The following CFAP57 variants were observed in gnomAD, a reference collection of about 807,000 sequenced individuals.
CFAP57 encodes cilia and flagella associated protein 57, also known as cilia- and flagella-associated protein 57.
Under a neutral mutation model 146.8 loss-of-function variants are expected in CFAP57, and 116 were observed. The observed-to-expected ratio is 0.79, with a 90% CI of 0.68 to 0.92. The LOEUF is 0.92. CFAP57 is among the 40% of genes least tolerant of loss of function. CFAP57 has a pLI of 0.00. For missense variants in CFAP57, 1,377 were observed against 1,527.2 expected, an observed-to-expected ratio of 0.90 and a Z score of 1.64; for synonymous variants, 518 against 552.8, an observed-to-expected ratio of 0.94 and a Z score of 0.88.
chr1:43,225,892 G>T (rs1645225430), intron 17 of CFAP57, among the ~76,000 whole-genome samples: 1 of 152,206 alleles, frequency 6.6e-6, no homozygotes, highest in Non-Finnish European at 1.5e-5. Flanking sequence ...ACTGATTGAG[G>T]CCAGGTGTGG....
intron 10 of CFAP57, among the ~76,000 whole-genome samples, chr1:43,207,982 C>A (rs779752848): frequency 1.3e-5 from 2 of 152,242 alleles, no homozygotes; most frequent in Non-Finnish European, 2.9e-5. Context: ...CTCCTCTTGG[C>A]AGCCCTACTA....
At position 43,199,394 on chromosome 1, in the gene CFAP57, C is replaced by A. The variant is rs750436205; in HGVS notation, c.1433C>A (p.Ser478Tyr). 7 of 1,614,050 alleles carry A rather than the reference C, an allele frequency of 4.3e-6. No homozygotes were observed. In the South Asian group the frequency reaches 7.7e-5, roughly 18 times the overall value. The change falls in exon 9 of 23, where the codon TCC becomes TAC. Residue 478 changes from serine to tyrosine, a missense_variant. Ser to Tyr is a moderately radical substitution (Grantham distance 144). Coordinates refer to ENST00000372492, the MANE Select transcript of CFAP57 (RefSeq NM_001378189.1). ...EYSVRGCGEC[S>Y]FSNGGHLFAA... ...TCTTGCTGTCTTTCCCTATAGTGTT[C>A]CTTTAGCAATGGAGGTCACCTGTTT...
rs553055628 is a variant in CFAP57, at chr1:43,211,106, G to A, written c.1929+1190G>A. Among the ~76,000 whole-genome samples the A allele has an allele frequency of 3.2e-4, 49 of 152,238 alleles. No individual in the cohort carries two copies. The Middle Eastern group carries it at 0.027, about 85-fold the overall frequency. On this transcript the variant is annotated intron_variant, in intron 11 of 22. Coordinates refer to ENST00000372492, the MANE Select transcript of CFAP57 (RefSeq NM_001378189.1). ...CCTTAGTGGCTTACCTGCAACACTA[G>A]CTGTATTAAGAAAAGGTTTCTCATT...
At chr1:43,236,052 G>A (rs1162176304) in intron 21 of CFAP57, among the ~76,000 whole-genome samples, 4 of 135,912 alleles carry the variant, frequency 2.9e-5, no homozygotes. Context: ...GCTGGGCCAG[G>A]GTGGGGTAGA....
chr1:43,253,560 G>T (rs1646372578), intron 22 of CFAP57, among the ~76,000 whole-genome samples: 1 of 152,176 alleles, frequency 6.6e-6, no homozygotes, highest in Admixed American at 6.5e-5. Context: ...CACACCTGGA[G>T]AGGCACGAAG....
intron 10 of CFAP57, among the ~76,000 whole-genome samples, chr1:43,208,862 G>A (rs1644473518): frequency 6.6e-6 from 1 of 150,648 alleles, no homozygotes; most frequent in Non-Finnish European, 1.5e-5. Context: ...ATGAATGAGT[G>A]AGGGAATGAA....
intron 2 of CFAP57, among the ~76,000 whole-genome samples, chr1:43,180,099 G>A (rs1030558224): frequency 2.6e-5 from 4 of 151,554 alleles, no homozygotes; most frequent in African/African-American, 7.3e-5. Flanking sequence ...CCTGCTACTC[G>A]GGAGGCTGAG....
intron 17 of CFAP57, among the ~76,000 whole-genome samples, chr1:43,224,782 C>A (rs1253566130): frequency 2.6e-5 from 4 of 152,184 alleles, no homozygotes; most frequent in Non-Finnish European, 5.9e-5. Context: ...ATTCCGTGCC[C>A]TCCTCTCCAT....
intron 22 of CFAP57, among the ~76,000 whole-genome samples, chr1:43,252,322 G>C (rs1346800035): frequency 1.3e-5 from 2 of 152,118 alleles, no homozygotes; most frequent in African/African-American, 4.8e-5. Flanking sequence ...AAAAACTTCA[G>C]ACAAGGTCTC....
At chr1:43,208,535 A>G (rs1312658937) in intron 10 of CFAP57, among the ~76,000 whole-genome samples, 1 of 152,204 alleles carries the variant, frequency 6.6e-6, no homozygotes, top group Non-Finnish European at 1.5e-5. Flanking sequence ...TCAGCAAACT[A>G]TCGCAAGGAC....
rs1644130390 is a variant in CFAP57 at position 43,201,700 on chromosome 1, C to A, written c.1542+2197C>A. Among the ~76,000 whole-genome samples the A allele has an allele frequency of 6.6e-6, 1 of 152,194 alleles. No homozygotes were observed. Among genetic ancestry groups the A allele is most frequent in the African/African-American group, 2.4e-5 (1 of 41,432 alleles). The stretch of plus-strand genomic sequence containing the variant: ...GCACAATCTCAGCTCACCGCAACCT[C>A]CGCCTCCCAGGTTCAAGCGATTCTC... On this transcript the variant is annotated intron_variant, in intron 9 of 22. Coordinates refer to ENST00000372492, the MANE Select transcript of CFAP57 (RefSeq NM_001378189.1). The surrounding 1 kb of genome is among the most constrained non-coding windows in gnomAD (Gnocchi z 4.4).
At chr1:43,241,569 A>C (rs890947834) in intron 21 of CFAP57, among the ~76,000 whole-genome samples, 1 of 152,034 alleles carries the variant, frequency 6.6e-6, no homozygotes, top group Non-Finnish European at 1.5e-5. Context: ...CTCGTGAGAT[A>C]ATGTCCCAAG....
intron 9 of CFAP57, among the ~76,000 whole-genome samples, chr1:43,202,294 AAAGAT>A (rs1266034733): frequency 1.3e-5 from 2 of 152,266 alleles, no homozygotes; most frequent in South Asian, 2.1e-4. Flanking sequence ...GGCAGGAAAT[AAAGAT>A]AAGAGCAGAA....
chr1:43,210,105 C>T (rs767686145), intron 11 of CFAP57, 189 bp downstream of exon 11: 194 of 1,612,556 alleles, frequency 1.2e-4, no homozygotes, highest in Non-Finnish European at 1.4e-4. Context: ...GGAATTTAGC[C>T]TAGGAAATCA....
At chr1:43,185,972 G>T (rs1243520241) in intron 5 of CFAP57, among the ~76,000 whole-genome samples, 2 of 151,818 alleles carry the variant, frequency 1.3e-5, no homozygotes, top group Non-Finnish European at 2.9e-5. Flanking sequence ...GGTGGCACGT[G>T]TCTGTAATCC....
chr1:43,224,333 G>C, intron 17 of CFAP57, 129 bp downstream of exon 17: 1 of 1,073,352 alleles, frequency 9.3e-7, no homozygotes, highest in Non-Finnish European at 1.3e-6. Context: ...GGAACCAGCC[G>C]TCAGTGAAGT....
intron 18 of CFAP57, among the ~76,000 whole-genome samples, chr1:43,228,083 G>T (rs893041047): frequency 2.6e-5 from 4 of 152,120 alleles, no homozygotes; most frequent in African/African-American, 9.7e-5. Context: ...CCACATAGAG[G>T]CCTGAGTGAA....
intron 21 of CFAP57, 103 bp from the exon 22 acceptor site, chr1:43,243,124 C>A: frequency 7.3e-7 from 1 of 1,362,048 alleles, no homozygotes; most frequent in East Asian, 2.7e-5. Flanking sequence ...GGATCCAGAC[C>A]TAACCCTGCC....
rs759105384 is a variant in CFAP57 at position 43,242,859 on chromosome 1, TTA to T, written c.3406-357_3406-356del. Among the ~76,000 whole-genome samples the T allele has an allele frequency of 9.8e-3, 1,489 of 151,686 alleles. 29 individuals are homozygous for T. Among genetic ancestry groups the T allele is most frequent in the African/African-American group, 0.033 (1,359 of 41,388 alleles). The stretch of plus-strand genomic sequence containing the variant: ...TTTTGTGATTATAATAGCCATATAA[TTA>T]TATATATATAATATAATAGCCATAT... On this transcript the variant is annotated intron_variant, in intron 21 of 22. Coordinates refer to ENST00000372492, the MANE Select transcript of CFAP57 (RefSeq NM_001378189.1).
Sources: allele counts gnomAD v4.1 joint callset (sites outside exome capture counted in the v4.1 genomes callset), GRCh38; gene constraint gnomAD v4.1.1; non-coding constraint Gnocchi (gnomAD v3.1); transcripts MANE v1.5; gene names NCBI Gene and HGNC (gene_info 2026-07-23, HGNC 2026-07-21).